GRB14: variants seen among roughly 807,000 people sequenced by gnomAD.
GRB14 encodes growth factor receptor bound protein 14.
A neutral mutation model predicts 69.1 loss-of-function variants in GRB14; 38 were observed. The observed-to-expected ratio is 0.55, with a 90% CI of 0.42 to 0.72. GRB14 has a LOEUF of 0.72. GRB14 is among the 30% of genes least tolerant of loss of function. The pLI is 0.00. For missense variants in GRB14, 666 were observed against 666.1 expected, an observed-to-expected ratio of 1.00 and a Z score of 0.00; for synonymous variants, 247 against 241.3, an observed-to-expected ratio of 1.02 and a Z score of -0.22.
At chr2:164,555,951 AATAG>A (rs1449146126) in intron 2 of GRB14, among the ~76,000 whole-genome samples, 3 of 152,026 alleles carry the variant, frequency 2.0e-5, no homozygotes, top group African/African-American at 2.4e-5. Context: ...GCAATGTACT[AATAG>A]ATAGGCAATG....
chr2:164,515,763 T>A, intron 6 of GRB14, among the ~76,000 whole-genome samples: 1 of 141,978 alleles, frequency 7.0e-6, no homozygotes, highest in Non-Finnish European at 1.5e-5. Context: ...ATTAAGCTCA[T>A]CATGAAGGCA....
intron 5 of GRB14, among the ~76,000 whole-genome samples, chr2:164,523,742 A>G (rs1444717280): frequency 1.3e-5 from 2 of 152,134 alleles, no homozygotes; most frequent in Non-Finnish European, 2.9e-5. Flanking sequence ...AAAAGGGGAA[A>G]CATTGCCTCA....
chr2:164,503,349 T>G (rs1687112155), intron 8 of GRB14, among the ~76,000 whole-genome samples: 1 of 149,832 alleles, frequency 6.7e-6, no homozygotes, highest in South Asian at 2.1e-4. Context: ...TAAATTCTAT[T>G]TAAACATTCC....
At chr2:164,585,066 TTCATACCACCATGCCTGGC>T in intron 2 of GRB14, among the ~76,000 whole-genome samples, 1 of 135,584 alleles carries the variant, frequency 7.4e-6, no homozygotes, top group South Asian at 2.7e-4. Context: ...CCTCAGCCCC[TTCATACCACCATGCCTGGC>T]TTTTTTTTTT....
At chr2:164,504,774 A>T (rs1687147495) in intron 8 of GRB14, among the ~76,000 whole-genome samples, 1 of 152,184 alleles carries the variant, frequency 6.6e-6, no homozygotes, top group Non-Finnish European at 1.5e-5. Flanking sequence ...GCTACATGGA[A>T]AAAGGGAATT....
intron 6 of GRB14, among the ~76,000 whole-genome samples, chr2:164,518,884 A>T (rs1395321964): frequency 6.6e-6 from 1 of 151,830 alleles, no homozygotes. Context: ...AAAAGAAATG[A>T]TCAACAAAAA....
At chr2:164,574,152 T>C (rs1389725256) in intron 2 of GRB14, 2 of 636,048 alleles carry the variant, frequency 3.1e-6, no homozygotes, top group Admixed American at 2.6e-5. Context: ...AGTCAGTCTT[T>C]ACAGTTGATG....
chr2:164,569,420 C>T (rs1689070890), intron 2 of GRB14, among the ~76,000 whole-genome samples: 1 of 152,304 alleles, frequency 6.6e-6, no homozygotes, highest in South Asian at 2.1e-4. Flanking sequence ...ATTGTAAAAT[C>T]TCTTCTGGAC....
chr2:164,547,650 G>T lies in GRB14; in HGVS notation c.481+10C>A, dbSNP rs200574122. 4 of 1,606,562 alleles carry T rather than the reference G, an allele frequency of 2.5e-6. No individual in the cohort carries two copies. In the Admixed American group the frequency reaches 5.0e-5, roughly 20 times the overall value. On this transcript the variant is annotated intron_variant, in intron 3 of 13. Coordinates refer to ENST00000263915, the MANE Select transcript of GRB14 (RefSeq NM_004490.3). ...AGCAATGATGTGAGACAATAACTCC[G>T]TATCCTTACCTACACCTATGTGAGG...
At position 164,508,777 on chromosome 2, in the gene GRB14, G is replaced by GA; in HGVS notation, c.891_892insT (p.His298SerfsTer6). The GA allele has an allele frequency of 6.4e-7, 1 of 1,553,952 alleles. No homozygotes were observed. Among genetic ancestry groups the GA allele is most frequent in the Non-Finnish European group, 8.7e-7 (1 of 1,146,634 alleles). ...AATCCATAGTTAGTCGGTGCTCCAT[G>GA]TTTTTTTTTGCCTGCCAGTGACACA... On this transcript the variant is annotated frameshift_variant, in exon 7 of 14. Coordinates refer to ENST00000263915, the MANE Select transcript of GRB14 (RefSeq NM_004490.3). LOFTEE classifies it high-confidence loss of function.
chr2:164,564,782 G>A (rs893163012), intron 2 of GRB14, among the ~76,000 whole-genome samples: 2 of 152,102 alleles, frequency 1.3e-5, no homozygotes, highest in African/African-American at 4.8e-5. Flanking sequence ...TTGGGAGGCC[G>A]AGGTGGGCAG....
intron 2 of GRB14, among the ~76,000 whole-genome samples, chr2:164,571,610 C>T (rs1281590850): frequency 2.0e-5 from 3 of 151,978 alleles, no homozygotes; most frequent in Non-Finnish European, 4.4e-5. Flanking sequence ...TTGTGATTAT[C>T]AATAATATTT....
intron 2 of GRB14, among the ~76,000 whole-genome samples, chr2:164,589,787 T>C (rs1472798441): frequency 6.6e-6 from 1 of 152,184 alleles, no homozygotes; most frequent in African/African-American, 2.4e-5. Flanking sequence ...CTTGTCTTAC[T>C]TCACTTGGAC....
intron 2 of GRB14, among the ~76,000 whole-genome samples, chr2:164,559,683 G>A (rs544553953): frequency 4.6e-5 from 7 of 152,172 alleles, no homozygotes; most frequent in South Asian, 2.1e-4. Context: ...TTACCCACTC[G>A]TTGACTGATG....
chr2:164,511,459 C>T (rs1258595240), intron 6 of GRB14, among the ~76,000 whole-genome samples: 2 of 152,142 alleles, frequency 1.3e-5, no homozygotes, highest in East Asian at 1.9e-4. Flanking sequence ...TGTGAGGCCC[C>T]TATTCAGAAA....
intron 6 of GRB14, among the ~76,000 whole-genome samples, chr2:164,520,105 T>C (rs941744050): frequency 2.0e-5 from 3 of 152,154 alleles, no homozygotes; most frequent in Admixed American, 6.5e-5. Context: ...ATTACCCGAC[T>C]TCAAACTATA....
chr2:164,503,936 G>A (rs1320044649), intron 8 of GRB14, among the ~76,000 whole-genome samples: 3 of 152,030 alleles, frequency 2.0e-5, no homozygotes, highest in East Asian at 3.9e-4. Context: ...GAGGTAGGGC[G>A]GGGGTCACCT....
intron 2 of GRB14, among the ~76,000 whole-genome samples, chr2:164,574,555 T>G (rs1689204777): frequency 6.6e-6 from 1 of 152,026 alleles, no homozygotes; most frequent in Non-Finnish European, 1.5e-5. Context: ...ATCTTAAATT[T>G]AAGAAACATT....
rs143021609 is a variant in GRB14 at position 164,580,281 on chromosome 2, C to T, written c.325-32465G>A. Among the ~76,000 whole-genome samples the T allele has an allele frequency of 1.6e-3, 243 of 151,998 alleles. 7 individuals carry two copies. In the East Asian group the frequency reaches 0.039, roughly 25 times the overall value. ...CTAATTTTTGCATTTTTAGTAGAGA[C>T]GGGGTTTTGCCATGTTGGCCAGGCT... On this transcript the variant is annotated intron_variant, in intron 2 of 13. Transcript: ENST00000263915.
Sources: gnomAD v4.1 joint callset for allele counts (sites outside exome capture counted in the v4.1 genomes callset) on GRCh38, gnomAD v4.1.1 for gene constraint, MANE v1.5 for transcripts, NCBI Gene and HGNC (gene_info 2026-07-23, HGNC 2026-07-21) for gene names.